HTR2C: variants seen among roughly 807,000 people sequenced by gnomAD.
The protein encoded by HTR2C is 5-hydroxytryptamine (serotonin) receptor 2C, G protein-coupled.
HTR2C carries 5 observed loss-of-function variants against 21.0 expected under a neutral mutation model. The observed-to-expected ratio is 0.24, with a 90% confidence interval of 0.12 to 0.50. The LOEUF (loss-of-function observed/expected upper bound fraction) is 0.50. HTR2C is among the 20% of genes least tolerant of loss of function. HTR2C has a pLI of 0.98. For missense variants in HTR2C, 271 were observed against 371.2 expected (o/e 0.73, Z 2.22); for synonymous variants, 150 against 145.3 (o/e 1.03, Z -0.23).
At chrX:114,795,147 A>C (rs2070277380) in intron 4 of HTR2C, among the ~76,000 whole-genome samples, 2 of 110,869 alleles carry the variant, frequency 1.8e-5, no homozygotes, top group Non-Finnish European at 3.8e-5. Context: ...GCATTTTTTC[A>C]TGTGTCTTTT....
rs141038812 is a variant in HTR2C at position 114,843,622 on chromosome X, C to T, written c.350-4381C>T. The stretch of plus-strand genomic sequence containing the variant: ...TTGAATAAAGACATGACTATAAATC[C>T]AGGAAGCTCAATGAACTCTAAGCAA... On this transcript the variant is annotated intron_variant, in intron 4 of 5. Transcript: ENST00000276198. Among the ~76,000 whole-genome samples the T allele has an allele frequency of 5.8e-3, 643 of 111,202 alleles. 8 individuals are homozygous for T. Among genetic ancestry groups the T allele is most frequent in the African/African-American group, 0.02 (610 of 30,682 alleles).
At chrX:114,709,881 T>C (rs782743722) in intron 2 of HTR2C, among the ~76,000 whole-genome samples, 6 of 111,679 alleles carry the variant, frequency 5.4e-5, no homozygotes, top group African/African-American at 1.9e-4. Flanking sequence ...TTTTGTAGTC[T>C]ATGACATTTC....
intron 5 of HTR2C, among the ~76,000 whole-genome samples, chrX:114,858,317 G>A (rs2070979602): frequency 9.0e-6 from 1 of 110,943 alleles, no homozygotes; most frequent in African/African-American, 3.3e-5. Flanking sequence ...CAATACTATG[G>A]CTTCCAATCC....
intron 4 of HTR2C, among the ~76,000 whole-genome samples, chrX:114,740,207 C>G (rs1404555217): frequency 1.8e-5 from 2 of 108,808 alleles, no homozygotes; most frequent in Admixed American, 1.0e-4. Flanking sequence ...TCCTTAAATA[C>G]ATGAAAATAT....
intron 2 of HTR2C, among the ~76,000 whole-genome samples, chrX:114,636,995 C>G (rs909675804): frequency 4.5e-4 from 50 of 111,750 alleles, no homozygotes; most frequent in African/African-American, 1.6e-3. Flanking sequence ...GGCAGGGAAA[C>G]TGAAGTCCTT....
At chrX:114,795,315 G>A (rs1337162346) in intron 4 of HTR2C, among the ~76,000 whole-genome samples, 1 of 110,746 alleles carries the variant, frequency 9.0e-6, no homozygotes, top group African/African-American at 3.3e-5. Flanking sequence ...TCTGTAGGTT[G>A]CCTGTTCACT....
intron 2 of HTR2C, among the ~76,000 whole-genome samples, chrX:114,642,760 C>A (rs1930186106): frequency 9.0e-6 from 1 of 110,864 alleles, no homozygotes; most frequent in Admixed American, 9.7e-5. Context: ...AATGTGTGAT[C>A]TTGTAATTTA....
chrX:114,613,080 G>A (rs1928810348), intron 1 of HTR2C, among the ~76,000 whole-genome samples: 1 of 110,079 alleles, frequency 9.1e-6, no homozygotes, highest in African/African-American at 3.3e-5. Context: ...TGGAATTACA[G>A]GTGCCCACCA....
At chrX:114,628,470 G>A (rs979287906) in intron 2 of HTR2C, among the ~76,000 whole-genome samples, 10 of 93,064 alleles carry the variant, frequency 1.1e-4, no homozygotes, top group African/African-American at 4.1e-4. Flanking sequence ...TGTTGGCCAG[G>A]CTGGTCTTGA....
At chrX:114,651,564 A>G (rs782490926) in intron 2 of HTR2C, 13 of 125,469 alleles carry the variant, frequency 1.0e-4, no homozygotes, top group African/African-American at 3.9e-4. Flanking sequence ...TGCTCATTGC[A>G]TGGGCTGTGT....
At chrX:114,796,727 C>T (rs1369476581) in intron 4 of HTR2C, among the ~76,000 whole-genome samples, 1 of 111,348 alleles carries the variant, frequency 9.0e-6, no homozygotes, top group Non-Finnish European at 1.9e-5. Flanking sequence ...GACAACAGAT[C>T]TCTCTTCTCT....
intron 3 of HTR2C, among the ~76,000 whole-genome samples, chrX:114,729,533 T>C (rs1248013084): frequency 4.5e-5 from 5 of 111,952 alleles, no homozygotes; most frequent in Admixed American, 9.5e-5. Context: ...ATTTGGTCCT[T>C]TATTTCACTA....
chrX:114,720,470 T>A (rs1178357837), intron 2 of HTR2C, among the ~76,000 whole-genome samples: 1 of 109,165 alleles, frequency 9.2e-6, no homozygotes, highest in Non-Finnish European at 1.9e-5. Context: ...AGAAGCACAC[T>A]AAAGAAAGCT....
chrX:114,880,120 CA>C (rs1387719018), intron 5 of HTR2C, among the ~76,000 whole-genome samples: 2 of 109,759 alleles, frequency 1.8e-5, no homozygotes, highest in African/African-American at 6.6e-5. Flanking sequence ...AGTATATTTA[CA>C]AAATTATACA....
At chrX:114,724,969 T>A (rs1240225387) in intron 2 of HTR2C, among the ~76,000 whole-genome samples, 1 of 110,474 alleles carries the variant, frequency 9.1e-6, no homozygotes, top group Non-Finnish European at 1.9e-5. Context: ...CATTTCAACT[T>A]TGGTGAATCT....
At chrX:114,745,010 T>C (rs781951269) in intron 4 of HTR2C, among the ~76,000 whole-genome samples, 10 of 112,108 alleles carry the variant, frequency 8.9e-5, no homozygotes, top group Admixed American at 8.5e-4. Context: ...TAACTCTCGT[T>C]AAAAGCCTTC....
chrX:114,850,657 C>T (rs2070909672), intron 5 of HTR2C, among the ~76,000 whole-genome samples: 1 of 110,625 alleles, frequency 9.0e-6, no homozygotes, highest in Non-Finnish European at 1.9e-5. Context: ...GAGAAAGCAA[C>T]ACTTTGTCTC....
intron 2 of HTR2C, among the ~76,000 whole-genome samples, chrX:114,714,165 A>T (rs1318664930): frequency 1.8e-5 from 2 of 111,758 alleles, no homozygotes; most frequent in Non-Finnish European, 3.8e-5. Flanking sequence ...GGGACAGGAA[A>T]CACTATTTTC....
intron 5 of HTR2C, among the ~76,000 whole-genome samples, chrX:114,906,046 T>C (rs1342543699): frequency 8.9e-6 from 1 of 112,145 alleles, no homozygotes; most frequent in African/African-American, 3.2e-5. Flanking sequence ...TTTCAGTCTC[T>C]GCTTATTGAC....
Sources: gnomAD v4.1 joint callset for allele counts (sites outside exome capture counted in the v4.1 genomes callset) on GRCh38, gnomAD v4.1.1 for gene constraint, MANE v1.5 for transcripts, NCBI Gene and HGNC (gene_info 2026-07-23, HGNC 2026-07-21) for gene names.